AUTS2: variants seen among roughly 807,000 people sequenced by gnomAD.
AUTS2 encodes autism susceptibility gene 2 protein.
A neutral mutation model predicts 112.4 loss-of-function variants in AUTS2; 17 were observed. The observed-to-expected ratio is 0.15, with a 90% CI of 0.10 to 0.23. The LOEUF (loss-of-function observed/expected upper bound fraction) is 0.23. Among genes scored for constraint, AUTS2 ranks in the 10% least tolerant of loss-of-function variants. The pLI, the probability that AUTS2 is intolerant of heterozygous loss-of-function variation, is 1.00. For missense variants in AUTS2, 1,510 were observed against 1,701.6 expected (o/e 0.89, Z 1.98); for synonymous variants, 751 against 702.7 (o/e 1.07, Z -1.09).
chr7:69,792,488 C>T (rs181778947), intron 1 of AUTS2, among the ~76,000 whole-genome samples: 362 of 152,258 alleles, frequency 2.4e-3, no homozygotes, highest in Non-Finnish European at 4.6e-3. Flanking sequence ...ATCCACCCGC[C>T]TCAGCTTCCC....
intron 4 of AUTS2, among the ~76,000 whole-genome samples, chr7:70,172,505 A>G (rs1028276316): frequency 6.6e-6 from 1 of 152,218 alleles, no homozygotes; most frequent in African/African-American, 2.4e-5. Context: ...GCTAGAGTAC[A>G]TCCTTGAGAG....
chr7:70,280,450 AT>A (rs35280015), intron 4 of AUTS2, among the ~76,000 whole-genome samples: 22,572 of 121,764 alleles, frequency 0.19, 1,897 homozygotes, highest in African/African-American at 0.28. Flanking sequence ...TGCCCGGCTG[AT>A]TTTTTTTTTT....
intron 2 of AUTS2, among the ~76,000 whole-genome samples, chr7:70,092,481 G>C (rs1225298445): frequency 6.6e-6 from 1 of 152,098 alleles, no homozygotes; most frequent in African/African-American, 2.4e-5. Flanking sequence ...CAAAATCCTA[G>C]TGGAAAATAA....
chr7:70,030,442 CA>C (rs1395743064), intron 2 of AUTS2, among the ~76,000 whole-genome samples: 1 of 152,122 alleles, frequency 6.6e-6, no homozygotes, highest in Non-Finnish European at 1.5e-5. Flanking sequence ...CTTGGAGGGG[CA>C]GGCCAGTTTT....
At chr7:70,353,210 T>C (rs929908946) in intron 4 of AUTS2, among the ~76,000 whole-genome samples, 1 of 152,208 alleles carries the variant, frequency 6.6e-6, no homozygotes, top group African/African-American at 2.4e-5. Context: ...TATATCCCCA[T>C]TTGTATCTTA....
chr7:70,570,259 G>A (rs559784338), intron 5 of AUTS2, among the ~76,000 whole-genome samples: 244 of 152,176 alleles, frequency 1.6e-3, no homozygotes, highest in Non-Finnish European at 3.1e-3. Flanking sequence ...TTGGTTGTCA[G>A]CTCAGATGAT....
At chr7:70,610,160 A>G (rs1804010945) in intron 5 of AUTS2, among the ~76,000 whole-genome samples, 1 of 152,050 alleles carries the variant, frequency 6.6e-6, no homozygotes, top group Non-Finnish European at 1.5e-5. Flanking sequence ...CACTGTGCCC[A>G]GGTAATTTTT....
chr7:70,693,812 A>C (rs1026432493), intron 5 of AUTS2, among the ~76,000 whole-genome samples: 10 of 152,148 alleles, frequency 6.6e-5, no homozygotes, highest in Non-Finnish European at 8.8e-5. Flanking sequence ...GAGGGCGAGG[A>C]GCGGTGCAGT....
At chr7:69,894,453 A>T (rs914707924) in intron 1 of AUTS2, among the ~76,000 whole-genome samples, 1 of 151,942 alleles carries the variant, frequency 6.6e-6, no homozygotes, top group African/African-American at 2.4e-5. Flanking sequence ...CATATATAGG[A>T]GCCCCCACAG....
At chr7:70,108,401 C>T (rs1295989335) in intron 2 of AUTS2, among the ~76,000 whole-genome samples, 3 of 152,036 alleles carry the variant, frequency 2.0e-5, no homozygotes, top group Admixed American at 1.3e-4. Flanking sequence ...GTTTTAAAAA[C>T]TTGTTAATAT....
At chr7:70,609,480 T>C (rs764164951) in intron 5 of AUTS2, among the ~76,000 whole-genome samples, 6 of 149,590 alleles carry the variant, frequency 4.0e-5, no homozygotes, top group Non-Finnish European at 8.9e-5. Context: ...CTGCAAACTC[T>C]GCCTCCCAGG....
At chr7:70,106,186 A>C (rs1804758077) in intron 2 of AUTS2, among the ~76,000 whole-genome samples, 1 of 152,206 alleles carries the variant, frequency 6.6e-6, no homozygotes, top group Non-Finnish European at 1.5e-5. Flanking sequence ...TTGCTACATG[A>C]AAGTGAAGTT....
chr7:70,595,099 GA>G (rs11394098), intron 5 of AUTS2, among the ~76,000 whole-genome samples: 46 of 146,286 alleles, frequency 3.1e-4, no homozygotes, highest in East Asian at 1.6e-3. Context: ...ACTGTCTCAA[GA>G]AAAAAAAAAA....
chr7:70,434,938 T>A (rs1468722000), intron 4 of AUTS2, among the ~76,000 whole-genome samples: 1 of 152,210 alleles, frequency 6.6e-6, no homozygotes, highest in Non-Finnish European at 1.5e-5. Context: ...TTCATTTTTT[T>A]TAAGTTGTGT....
intron 1 of AUTS2, among the ~76,000 whole-genome samples, chr7:69,893,970 C>G (rs777471547): frequency 2.0e-5 from 3 of 152,078 alleles, no homozygotes; most frequent in African/African-American, 7.2e-5. Flanking sequence ...TTGAAGAAGG[C>G]GGGGTGTTGA....
At chr7:69,989,818 A>G (rs1470496937) in intron 2 of AUTS2, among the ~76,000 whole-genome samples, 5 of 152,172 alleles carry the variant, frequency 3.3e-5, no homozygotes, top group Admixed American at 6.6e-5. Flanking sequence ...AGGCTAACAA[A>G]CATTAAGGCC....
At chr7:70,544,959 G>C (rs1800711203) in intron 5 of AUTS2, among the ~76,000 whole-genome samples, 1 of 152,166 alleles carries the variant, frequency 6.6e-6, no homozygotes, top group Admixed American at 6.5e-5. Flanking sequence ...TTGGTGACCA[G>C]ACTCTCCTCT....
In AUTS2 at chr7:70,004,199, T is replaced by TAA. The variant is rs1256640026; in HGVS notation, c.522+104701_522+104702insAA. ...TGAATGTGTTATATGTGAATATATA[T>TAA]TATATATATGAATGTGTTATATGTG... On this transcript the variant is annotated intron_variant, in intron 2 of 18. Transcript: ENST00000342771. Among the ~76,000 whole-genome samples, 241 of 132,510 alleles carry TAA rather than the reference T, an allele frequency of 1.8e-3. 9 individuals carry two copies. Among genetic ancestry groups the TAA allele is most frequent in the African/African-American group, 6.1e-3 (223 of 36,314 alleles). The allele number at this position is 132,510 out of a possible 152,430, so 86.9% of individuals were successfully genotyped here. A position where few individuals can be genotyped will look rare whatever the true frequency, so the allele number is the denominator to read the frequency against.
intron 1 of AUTS2, among the ~76,000 whole-genome samples, chr7:69,649,255 G>A (rs372174220): frequency 2.0e-5 from 3 of 152,250 alleles, no homozygotes; most frequent in East Asian, 1.9e-4. Flanking sequence ...AAACAAAAAC[G>A]GAGTTTGTCT....
Sources: allele counts gnomAD v4.1 joint callset (sites outside exome capture counted in the v4.1 genomes callset), GRCh38; gene constraint gnomAD v4.1.1; transcripts MANE v1.5; gene names NCBI Gene and HGNC (gene_info 2026-07-23, HGNC 2026-07-21).